The following SUGCT variants were observed in gnomAD, a reference collection of about 807,000 sequenced individuals.
SUGCT encodes the protein succinyl-CoA:glutarate-CoA transferase.
SUGCT carries 41 observed loss-of-function variants against 55.0 expected under a neutral mutation model. That is an observed-to-expected ratio of 0.74 (90% confidence interval 0.58 to 0.97). The LOEUF (loss-of-function observed/expected upper bound fraction) is 0.97, where lower values mean the gene tolerates loss of function less well. Ranked by LOEUF, SUGCT falls within the 50% of genes least tolerant of loss-of-function variation. The pLI is 0.00. For synonymous variants in SUGCT, 187 were observed against 200.4 expected, an observed-to-expected ratio of 0.93 and a Z score of 0.56; for missense variants, 568 against 547.8, an observed-to-expected ratio of 1.04 and a Z score of -0.37.
chr7:40,318,488 G>A (rs1175464471), intron 9 of SUGCT, among the ~76,000 whole-genome samples: 1 of 152,210 alleles, frequency 6.6e-6, no homozygotes, highest in African/African-American at 2.4e-5. Context: ...CTATGTGGGT[G>A]TGCAGTGGCA....
chr7:40,355,978 G>A (rs1228801116), intron 9 of SUGCT, among the ~76,000 whole-genome samples: 2 of 152,180 alleles, frequency 1.3e-5, no homozygotes, highest in African/African-American at 4.8e-5. Context: ...TCATTACATT[G>A]CAGATTAATC....
At chr7:40,303,543 G>T (rs1794665686) in intron 8 of SUGCT, among the ~76,000 whole-genome samples, 1 of 151,624 alleles carries the variant, frequency 6.6e-6, no homozygotes, top group South Asian at 2.1e-4. Context: ...GAGTACAGTG[G>T]CGCGATCTTG....
the SUGCT span, among the ~76,000 whole-genome samples, chr7:40,913,631 T>C: frequency 1.8e-4 from 28 of 152,202 alleles, no homozygotes; most frequent in African/African-American, 6.8e-4. Flanking sequence ...AAGCATTTGT[T>C]CTCCCCATTC....
chr7:40,427,364 A>G (rs1466468331), intron 9 of SUGCT, among the ~76,000 whole-genome samples: 1 of 152,220 alleles, frequency 6.6e-6, no homozygotes, highest in African/African-American at 2.4e-5. Flanking sequence ...CTAGGGTCAC[A>G]CTGCTAAGTC....
chr7:40,606,324 G>A (rs1204200902), intron 12 of SUGCT, among the ~76,000 whole-genome samples: 1 of 152,190 alleles, frequency 6.6e-6, no homozygotes, highest in African/African-American at 2.4e-5. Context: ...GCTGAGAAAG[G>A]TTTGGTGCTG....
At chr7:40,795,169 G>A (rs1584452723) in intron 13 of SUGCT, among the ~76,000 whole-genome samples, 1 of 152,068 alleles carries the variant, frequency 6.6e-6, no homozygotes, top group African/African-American at 2.4e-5. Context: ...TTGAGAGTAG[G>A]ATAACTTATA....
intron 8 of SUGCT, among the ~76,000 whole-genome samples, chr7:40,296,320 C>T (rs905054049): frequency 1.3e-5 from 2 of 152,164 alleles, no homozygotes; most frequent in African/African-American, 4.8e-5. Context: ...AGGATGAACA[C>T]GTGCTTCACC....
intron 9 of SUGCT, among the ~76,000 whole-genome samples, chr7:40,346,503 G>C (rs1253628288): frequency 6.6e-6 from 1 of 152,132 alleles, no homozygotes; most frequent in East Asian, 1.9e-4. Context: ...CAGTTTTCTG[G>C]TTGTGTGATC....
At position 40,821,759 on chromosome 7, in the gene SUGCT, A is replaced by G. The variant is rs184420722; in HGVS notation, c.1154-38557A>G. Among the ~76,000 whole-genome samples, 32 of 151,852 alleles carry G rather than the reference A, an allele frequency of 2.1e-4. No individual in the cohort carries two copies. In the East Asian group the frequency reaches 5.8e-3, roughly 28 times the overall value. On this transcript the variant is annotated intron_variant, in intron 13 of 13. Transcript: ENST00000335693. ...TTTTTGAAGGGTTTTTTGTGTCTCT[A>G]TCTCCTTCAGTTCTGCTCTGATTTT...
At chr7:40,325,243 A>ATTT (rs1349243065) in intron 9 of SUGCT, among the ~76,000 whole-genome samples, 22 of 123,302 alleles carry the variant, frequency 1.8e-4, no homozygotes, top group South Asian at 5.5e-4. Context: ...TTTTTTTTTA[A>ATTT]AAAGTCAAAA....
chr7:40,816,094 C>T (rs1034083174), intron 13 of SUGCT, among the ~76,000 whole-genome samples: 2 of 152,210 alleles, frequency 1.3e-5, no homozygotes, highest in Non-Finnish European at 2.9e-5. Flanking sequence ...TGTAGCAGCT[C>T]TCCTTCTGCC....
intron 12 of SUGCT, among the ~76,000 whole-genome samples, chr7:40,601,876 C>T (rs1798310430): frequency 6.6e-6 from 1 of 152,108 alleles, no homozygotes; most frequent in African/African-American, 2.4e-5. Context: ...CAAATAAGAT[C>T]TAACCCTTCA....
intron 12 of SUGCT, among the ~76,000 whole-genome samples, chr7:40,543,692 T>C (rs1794826762): frequency 6.6e-6 from 1 of 152,248 alleles, no homozygotes; most frequent in African/African-American, 2.4e-5. Flanking sequence ...TTTAGGTTTA[T>C]GTCAGAAAAC....
chr7:40,696,543 A>G (rs931748801), intron 12 of SUGCT, among the ~76,000 whole-genome samples: 11 of 152,158 alleles, frequency 7.2e-5, no homozygotes, highest in Non-Finnish European at 2.9e-5. Context: ...CCAAATTTAT[A>G]TCTTTGTTTT....
chr7:40,314,039 G>A (rs550466433), intron 8 of SUGCT, among the ~76,000 whole-genome samples: 85 of 152,270 alleles, frequency 5.6e-4, no homozygotes, highest in African/African-American at 2.0e-3. Flanking sequence ...CTTGCAAACA[G>A]TTTGAGAGAT....
chr7:40,459,023 G>A (rs980269891), intron 10 of SUGCT, 78 bp from the exon 11 acceptor site: 2 of 846,848 alleles, frequency 2.4e-6, no homozygotes, highest in South Asian at 2.9e-5. Flanking sequence ...GGGAGAGATA[G>A]GACCTGAACA....
intron 12 of SUGCT, among the ~76,000 whole-genome samples, chr7:40,651,979 G>C (rs1264897375): frequency 6.6e-6 from 1 of 151,300 alleles, no homozygotes; most frequent in Non-Finnish European, 1.5e-5. Flanking sequence ...CTTTCCTTAA[G>C]ATTATTTGAT....
intron 9 of SUGCT, among the ~76,000 whole-genome samples, chr7:40,413,242 T>C (rs1786789198): frequency 6.6e-6 from 1 of 152,150 alleles, no homozygotes; most frequent in Non-Finnish European, 1.5e-5. Flanking sequence ...GTTTACTCTC[T>C]GTACATGGGG....
At chr7:40,787,250 A>G (rs1023214217) in intron 13 of SUGCT, among the ~76,000 whole-genome samples, 3 of 152,192 alleles carry the variant, frequency 2.0e-5, no homozygotes, top group East Asian at 1.9e-4. Context: ...GGGAACTACC[A>G]AGAGAGTTAG....
Sources: gnomAD v4.1 joint callset for allele counts (sites outside exome capture counted in the v4.1 genomes callset) on GRCh38, gnomAD v4.1.1 for gene constraint, MANE v1.5 for transcripts, NCBI Gene and HGNC (gene_info 2026-07-23, HGNC 2026-07-21) for gene names.